The following STK32A variants were observed in gnomAD, a reference collection of about 807,000 sequenced individuals.
The protein encoded by STK32A is serine/threonine kinase 32A, also known as serine/threonine-protein kinase 32A.
Under a neutral mutation model 53.2 loss-of-function variants are expected in STK32A, and 41 were observed. The observed-to-expected ratio is 0.77, with a 90% CI of 0.60 to 1.00. The LOEUF is 1.00. Ranked by LOEUF, STK32A falls within the 50% of genes least tolerant of loss-of-function variation. STK32A has a pLI of 0.00. For synonymous variants in STK32A, 166 were observed against 162.8 expected (o/e 1.02, Z -0.15); for missense variants, 458 against 485.8 (o/e 0.94, Z 0.54).
At chr5:147,329,324 T>C (rs1754750332) in intron 5 of STK32A, among the ~76,000 whole-genome samples, 1 of 152,198 alleles carries the variant, frequency 6.6e-6, no homozygotes, top group Non-Finnish European at 1.5e-5. Context: ...TTATGAGATG[T>C]TCCTATCATT....
intron 3 of STK32A, among the ~76,000 whole-genome samples, chr5:147,278,761 T>C (rs1751892538): frequency 6.6e-6 from 1 of 152,224 alleles, no homozygotes; most frequent in African/African-American, 2.4e-5. Flanking sequence ...TTTTCAGGCA[T>C]TATACAGACC....
At chr5:147,271,607 A>G (rs554757641) in intron 2 of STK32A, among the ~76,000 whole-genome samples, 213 of 152,310 alleles carry the variant, frequency 1.4e-3, no homozygotes, top group African/African-American at 4.4e-3. Context: ...CTCAGCAATG[A>G]ACATCCCTGA....
chr5:147,370,272 T>G (rs1181963279), intron 8 of STK32A, among the ~76,000 whole-genome samples: 1 of 152,140 alleles, frequency 6.6e-6, no homozygotes, highest in Non-Finnish European at 1.5e-5. Context: ...ACATAATAAT[T>G]TTTTAGACTT....
chr5:147,362,053 G>A (rs1245499303), intron 8 of STK32A, among the ~76,000 whole-genome samples: 2 of 152,114 alleles, frequency 1.3e-5, no homozygotes, highest in Non-Finnish European at 2.9e-5. Flanking sequence ...TTGGCTCCTG[G>A]GTTCTGGGTT....
In STK32A at chr5:147,370,707, T is replaced by G; in HGVS notation, c.714T>G (p.Phe238Leu). The part of the protein sequence containing the change: ...STSSKEIVHT[F>L]ETTVVTYPSA... ...CCAGCAAGGAAATTGTACACACGTT[T>G]GAGACGACTGTTGTAACTTACCCTT... Residue 238 changes from phenylalanine (F) to leucine (L), a missense_variant, in exon 9 of 13, where the codon TTT becomes TTG. Phe to Leu is a conservative substitution (Grantham distance 22). Transcript: ENST00000397936. 6.2e-7 allele frequency: 1 copy of G among 1,612,810 alleles called. No homozygotes were observed. Among genetic ancestry groups the G allele is most frequent in the Non-Finnish European group, 8.5e-7 (1 of 1,178,978 alleles).
chr5:147,240,830 T>G (rs1362501916), intron 2 of STK32A, among the ~76,000 whole-genome samples: 1 of 152,238 alleles, frequency 6.6e-6, no homozygotes, highest in Non-Finnish European at 1.5e-5. Context: ...TGACGCCAAC[T>G]ACTTGCCTTT....
In STK32A at chr5:147,275,957, G is replaced by T. The variant is rs181812496; in HGVS notation, c.53-2167G>T. ...TCAACATGGAACTTCATGCTTTCTA[G>T]GTACCTGCTGCATCCTTGGAGATTC... On this transcript the variant is annotated intron_variant, in intron 2 of 12. Transcript: ENST00000397936. Among the ~76,000 whole-genome samples the T allele has an allele frequency of 1.3e-3, 198 of 152,282 alleles. 1 individual carries two copies. The highest frequency in any genetic ancestry group is 0.01 in the Middle Eastern group (3 of 294).
intron 4 of STK32A, among the ~76,000 whole-genome samples, chr5:147,312,266 A>AT (rs200386971): frequency 0.074 from 11,161 of 151,410 alleles, 768 homozygotes; most frequent in East Asian, 0.21. Context: ...TGCCCAGCTA[A>AT]TTTTTTTTTG....
the STK32A span, chr5:147,400,797 G>T: frequency 6.2e-7 from 1 of 1,614,172 alleles, no homozygotes. Context: ...CAGTGCTGAA[G>T]GTGCAGTGGG....
chr5:147,314,517 C>CA (rs775692160), intron 4 of STK32A, among the ~76,000 whole-genome samples: 1,987 of 12,322 alleles, frequency 0.16, 79 homozygotes, highest in Middle Eastern at 0.5. Context: ...CAAAAAAAAA[C>CA]AAAAAAAAAC....
At chr5:147,377,245 C>T (rs1757267763) in intron 11 of STK32A, among the ~76,000 whole-genome samples, 1 of 151,564 alleles carries the variant, frequency 6.6e-6, no homozygotes, top group Non-Finnish European at 1.5e-5. Context: ...GTGAATTTTC[C>T]AGTTTTCCTT....
intron 5 of STK32A, among the ~76,000 whole-genome samples, chr5:147,340,558 C>T (rs941442746): frequency 1.6e-4 from 24 of 152,146 alleles, no homozygotes; most frequent in African/African-American, 5.6e-4. Context: ...TTCATTTTCT[C>T]TCTCCTGGTA....
At chr5:147,297,896 C>T (rs1050695300) in intron 4 of STK32A, among the ~76,000 whole-genome samples, 1 of 150,344 alleles carries the variant, frequency 6.7e-6, no homozygotes, top group Admixed American at 6.7e-5. Context: ...AGGAGAATTG[C>T]TTGAACCTGG....
intron 5 of STK32A, among the ~76,000 whole-genome samples, chr5:147,330,260 C>T (rs1754801575): frequency 1.3e-5 from 2 of 152,186 alleles, no homozygotes; most frequent in African/African-American, 2.4e-5. Context: ...TTCCTTGTGG[C>T]TGTAGGACCC....
chr5:147,369,122 G>T (rs778706651), intron 8 of STK32A, among the ~76,000 whole-genome samples: 1 of 152,044 alleles, frequency 6.6e-6, no homozygotes, highest in Non-Finnish European at 1.5e-5. Context: ...TTGAGTTAAT[G>T]AGTTATTTCT....
At chr5:147,398,070 T>C in the STK32A span, among the ~76,000 whole-genome samples, 2 of 152,124 alleles carry the variant, frequency 1.3e-5, no homozygotes, top group African/African-American at 4.8e-5. Context: ...TTTAATAAGG[T>C]CCTCAAGTGG....
intron 6 of STK32A, among the ~76,000 whole-genome samples, chr5:147,348,156 C>T (rs1488659699): frequency 6.6e-6 from 1 of 152,116 alleles, no homozygotes; most frequent in Non-Finnish European, 1.5e-5. Context: ...TGAACCTAGC[C>T]ATAAATGACT....
chr5:147,279,731 T>C (rs1001260899), intron 4 of STK32A, among the ~76,000 whole-genome samples: 5 of 152,214 alleles, frequency 3.3e-5, no homozygotes, highest in Non-Finnish European at 5.9e-5. Context: ...TTCTTGGAAC[T>C]GTGGTGCCAG....
At chr5:147,276,205 G>GT (rs1199971523) in intron 2 of STK32A, among the ~76,000 whole-genome samples, 1 of 152,120 alleles carries the variant, frequency 6.6e-6, no homozygotes, top group Admixed American at 6.5e-5. Flanking sequence ...TTACTGAAGT[G>GT]TTTTTAAAAT....
Sources: allele counts gnomAD v4.1 joint callset (sites outside exome capture counted in the v4.1 genomes callset), GRCh38; gene constraint gnomAD v4.1.1; transcripts MANE v1.5; gene names NCBI Gene and HGNC (gene_info 2026-07-23, HGNC 2026-07-21).